The following ITGBL1 variants were observed in gnomAD, a reference collection of about 807,000 sequenced individuals.
The protein encoded by ITGBL1 is integrin beta-like protein 1.
Under a neutral mutation model 68.5 loss-of-function variants are expected in ITGBL1, and 51 were observed. The observed-to-expected ratio is 0.74, with a 90% CI of 0.59 to 0.94. The LOEUF (loss-of-function observed/expected upper bound fraction) is 0.94. ITGBL1 is among the 40% of genes least tolerant of loss of function. The pLI is 0.00. For missense variants in ITGBL1, 649 were observed against 647.4 expected, an observed-to-expected ratio of 1.00 and a Z score of -0.03; for synonymous variants, 209 against 227.3, an observed-to-expected ratio of 0.92 and a Z score of 0.72.
rs561646729 is a variant in ITGBL1, at chr13:101,606,562, T to G, written c.1015+8263T>G. Among the ~76,000 whole-genome samples the G allele has an allele frequency of 8.0e-5, 12 of 150,774 alleles. No individual in the cohort carries two copies. In the South Asian group the frequency reaches 1.3e-3, roughly 16 times the overall value. ...TTCTTCCTGATTAAAGAATACATCA[T>G]TATTATTATCGATGTTCTCCTGAGC... On this transcript the variant is annotated intron_variant, in intron 7 of 10. Coordinates refer to ENST00000376180, the MANE Select transcript of ITGBL1 (RefSeq NM_004791.3).
chr13:101,490,088 A>AC (rs1220117810), intron 2 of ITGBL1: 2 of 816,678 alleles, frequency 2.4e-6, no homozygotes, highest in East Asian at 2.7e-5. Flanking sequence ...TGAAATTCTA[A>AC]CCCCCAGTGT....
At chr13:101,458,598 T>C (rs1007130041) in intron 2 of ITGBL1, among the ~76,000 whole-genome samples, 3 of 152,140 alleles carry the variant, frequency 2.0e-5, no homozygotes, top group Admixed American at 6.5e-5. Flanking sequence ...GAATTAGTTC[T>C]AGGGAGCCTC....
At chr13:101,487,384 A>C (rs2048715998) in intron 2 of ITGBL1, among the ~76,000 whole-genome samples, 1 of 152,206 alleles carries the variant, frequency 6.6e-6, no homozygotes, top group South Asian at 2.1e-4. Context: ...TAAAACCCAT[A>C]TTGGAGGTTT....
chr13:101,670,514 T>C (rs996351113), intron 7 of ITGBL1, among the ~76,000 whole-genome samples: 3 of 152,242 alleles, frequency 2.0e-5, no homozygotes, highest in South Asian at 4.1e-4. Context: ...AAAGTTTTCT[T>C]ACATCCTTGT....
chr13:101,659,134 A>G (rs1264067230), intron 7 of ITGBL1, among the ~76,000 whole-genome samples: 2 of 141,690 alleles, frequency 1.4e-5, no homozygotes, highest in Non-Finnish European at 3.0e-5. Flanking sequence ...TCCTCAGCTC[A>G]CTGCAACCTC....
intron 2 of ITGBL1, among the ~76,000 whole-genome samples, chr13:101,561,171 G>A (rs2050094046): frequency 6.6e-6 from 1 of 152,090 alleles, no homozygotes; most frequent in South Asian, 2.1e-4. Context: ...TCGTGAATGA[G>A]CATGAAGCCC....
intron 2 of ITGBL1, among the ~76,000 whole-genome samples, chr13:101,504,587 A>C (rs2048997450): frequency 6.6e-6 from 1 of 152,218 alleles, no homozygotes; most frequent in African/African-American, 2.4e-5. Context: ...CATTTTAGTA[A>C]GTTAATTTTA....
chr13:101,700,316 G>T (rs2034106461), intron 8 of ITGBL1, among the ~76,000 whole-genome samples: 1 of 152,110 alleles, frequency 6.6e-6, no homozygotes, highest in Admixed American at 6.5e-5. Flanking sequence ...AACTTGTCTT[G>T]TCTTTTCCTC....
At chr13:101,523,459 G>C (rs548548568) in intron 2 of ITGBL1, among the ~76,000 whole-genome samples, 1 of 152,118 alleles carries the variant, frequency 6.6e-6, no homozygotes. Context: ...AATTAATGCG[G>C]TTTTGCTATC....
intron 2 of ITGBL1, among the ~76,000 whole-genome samples, chr13:101,507,043 TGAA>T (rs1447018432): frequency 6.6e-6 from 1 of 152,082 alleles, no homozygotes; most frequent in East Asian, 1.9e-4. Flanking sequence ...GTTGCTGAGG[TGAA>T]GAAGACATTT....
chr13:101,498,144 A>G (rs1357527078), intron 2 of ITGBL1, among the ~76,000 whole-genome samples: 1 of 151,542 alleles, frequency 6.6e-6, no homozygotes, highest in Non-Finnish European at 1.5e-5. Flanking sequence ...TTTTTTTTAA[A>G]TTTTGTACCA....
chr13:101,551,449 A>C (rs752621453), intron 2 of ITGBL1, among the ~76,000 whole-genome samples: 1 of 152,202 alleles, frequency 6.6e-6, no homozygotes, highest in Non-Finnish European at 1.5e-5. Context: ...CAAAGAAGTC[A>C]AGGCTCCTTG....
chr13:101,592,706 G>T (rs924989498), intron 6 of ITGBL1, among the ~76,000 whole-genome samples: 2 of 152,006 alleles, frequency 1.3e-5, no homozygotes, highest in African/African-American at 4.8e-5. Flanking sequence ...AAATGGTGCT[G>T]GAGAAATTGG....
At chr13:101,577,081 G>GT (rs1428802717) in intron 4 of ITGBL1, among the ~76,000 whole-genome samples, 1 of 152,136 alleles carries the variant, frequency 6.6e-6, no homozygotes, top group Non-Finnish European at 1.5e-5. Flanking sequence ...AACAGAAAAT[G>GT]TTTAACTTTC....
intron 2 of ITGBL1, among the ~76,000 whole-genome samples, chr13:101,539,351 C>T (rs2049643759): frequency 6.6e-6 from 1 of 151,922 alleles, no homozygotes; most frequent in Non-Finnish European, 1.5e-5. Flanking sequence ...TGGTTTCCAG[C>T]TTCATCCATG....
chr13:101,633,539 A>T (rs886736550), intron 7 of ITGBL1, among the ~76,000 whole-genome samples: 1 of 152,142 alleles, frequency 6.6e-6, no homozygotes, highest in African/African-American at 2.4e-5. Context: ...AGCCAAAAAA[A>T]CCAAGTGGAA....
At chr13:101,603,963 A>C (rs1201291654) in intron 7 of ITGBL1, among the ~76,000 whole-genome samples, 3 of 151,970 alleles carry the variant, frequency 2.0e-5, no homozygotes, top group African/African-American at 7.2e-5. Flanking sequence ...TTAAACTCCA[A>C]ATGGTTATGT....
intron 2 of ITGBL1, among the ~76,000 whole-genome samples, chr13:101,506,849 C>T (rs185725787): frequency 3.6e-4 from 55 of 152,226 alleles, no homozygotes; most frequent in Admixed American, 3.1e-3. Flanking sequence ...AAATATGCTT[C>T]AAATTTCCAA....
intron 7 of ITGBL1, among the ~76,000 whole-genome samples, chr13:101,630,681 AC>A (rs1020464982): frequency 2.0e-5 from 3 of 152,190 alleles, no homozygotes; most frequent in African/African-American, 7.2e-5. Context: ...TTTTTGAAAT[AC>A]TTTTCAGTTT....
Sources: allele counts gnomAD v4.1 joint callset (sites outside exome capture counted in the v4.1 genomes callset), GRCh38; gene constraint gnomAD v4.1.1; transcripts MANE v1.5; gene names NCBI Gene and HGNC (gene_info 2026-07-23, HGNC 2026-07-21).